TRDN: variants seen among roughly 807,000 people sequenced by gnomAD.
TRDN encodes triadin.
Under a neutral mutation model 149.7 loss-of-function variants are expected in TRDN, and 161 were observed. The ratio of observed to expected loss-of-function variants is 1.08; its 90% CI spans 0.95 to 1.23. The LOEUF (loss-of-function observed/expected upper bound fraction) is 1.23. Ranked by LOEUF, TRDN falls within the 50% of genes most tolerant of loss-of-function variation. TRDN has a pLI of 0.00. For missense variants in TRDN, 896 were observed against 823.5 expected (o/e 1.09, Z -1.08); for synonymous variants, 294 against 250.5 (o/e 1.17, Z -1.64).
At chr6:123,238,545 G>A (rs1458510915) in intron 38 of TRDN, among the ~76,000 whole-genome samples, 1 of 152,148 alleles carries the variant, frequency 6.6e-6, no homozygotes, top group Non-Finnish European at 1.5e-5. Context: ...GAAGCATTGA[G>A]AGAGCATGAG....
At chr6:123,391,127 A>G (rs1782097123) in intron 13 of TRDN, among the ~76,000 whole-genome samples, 1 of 152,038 alleles carries the variant, frequency 6.6e-6, no homozygotes, top group African/African-American at 2.4e-5. Flanking sequence ...AATTTCTTCC[A>G]ACAATTTTTT....
chr6:123,557,070 G>A (rs375914456), intron 2 of TRDN, among the ~76,000 whole-genome samples: 26 of 50,364 alleles, frequency 5.2e-4, no homozygotes, highest in Admixed American at 5.1e-3. Context: ...ACCCCTGCCC[G>A]CCAGAGAATA....
At chr6:123,462,436 G>A (rs1482527991) in intron 10 of TRDN, 1 of 152,164 alleles carries the variant, frequency 6.6e-6, no homozygotes. Context: ...AAGACGTGTA[G>A]TATTGGCTTT....
At chr6:123,553,951 T>C (rs551295089) in intron 2 of TRDN, among the ~76,000 whole-genome samples, 2 of 152,264 alleles carry the variant, frequency 1.3e-5, no homozygotes, top group East Asian at 3.9e-4. Context: ...TGTTAGATAA[T>C]TATCAGTTTA....
At chr6:123,544,385 G>C (rs1781011645) in intron 4 of TRDN, among the ~76,000 whole-genome samples, 1 of 151,676 alleles carries the variant, frequency 6.6e-6, no homozygotes, top group South Asian at 2.1e-4. Context: ...ATTTATATTT[G>C]AAGTGGAAAT....
intron 12 of TRDN, chr6:123,437,363 T>C (rs778925993): frequency 1.6e-5 from 5 of 313,528 alleles, no homozygotes; most frequent in South Asian, 1.5e-4. Context: ...ATTCTTTCTC[T>C]ACTTTATTGA....
chr6:123,438,924 A>G lies in TRDN; in HGVS notation c.991+20T>C. Reference sequence around the variant, plus strand: ...GGACACTAATTGATTTATGTGGTACATGGCTTTTAAATTTCCTACCTTTCT... The same window carrying G: ...GGACACTAATTGATTTATGTGGTACGTGGCTTTTAAATTTCCTACCTTTCT... On this transcript the variant is annotated intron_variant, in intron 11 of 40. Transcript: ENST00000334268. 3.2e-6 allele frequency: 5 copies of G among 1,545,424 alleles called. No individual in the cohort carries two copies. Among genetic ancestry groups the G allele is most frequent in the South Asian group, 1.2e-5 (1 of 82,680 alleles).
intron 23 of TRDN, among the ~76,000 whole-genome samples, chr6:123,317,955 T>A (rs1277575014): frequency 1.1e-4 from 17 of 152,042 alleles, no homozygotes; most frequent in Admixed American, 1.1e-3. Flanking sequence ...ATTTATATTT[T>A]ATTTTAGAAA....
At chr6:123,219,836 G>C (rs1440632935) in intron 40 of TRDN, among the ~76,000 whole-genome samples, 1 of 151,766 alleles carries the variant, frequency 6.6e-6, no homozygotes, top group Non-Finnish European at 1.5e-5. Context: ...GCTACAAGAG[G>C]GACAGTAGTA....
intron 12 of TRDN, among the ~76,000 whole-genome samples, chr6:123,412,469 A>T (rs1773482709): frequency 6.6e-6 from 1 of 152,256 alleles, no homozygotes. Flanking sequence ...CAGACATAAG[A>T]TATTTCTACC....
rs570258405 is a variant in TRDN, at chr6:123,559,853, T to C, written c.232+11070A>G. On this transcript the variant is annotated intron_variant, in intron 2 of 40. Coordinates refer to ENST00000334268, the MANE Select transcript of TRDN (RefSeq NM_006073.4). The stretch of plus-strand genomic sequence containing the variant: ...CTATCCTCAATACCTCCCTCCACAA[T>C]CCATTATTCTGTTCTGGATCTCAAA... Among the ~76,000 whole-genome samples, 138 of 151,742 alleles carry C rather than the reference T, an allele frequency of 9.1e-4. 1 individual carries two copies. The highest frequency in any genetic ancestry group is 1.5e-3 in the South Asian group (7 of 4,798).
intron 12 of TRDN, among the ~76,000 whole-genome samples, chr6:123,412,425 CACCTGTGGCTAG>C (rs1773480560): frequency 6.6e-6 from 1 of 152,192 alleles, no homozygotes; most frequent in African/African-American, 2.4e-5. Context: ...GCTAAAGAGC[CACCTGTGGCTAG>C]TGGCTGCCAC....
chr6:123,571,244 A>G (rs756079664), intron 1 of TRDN, 112 bp from the exon 2 acceptor site: 43 of 1,104,194 alleles, frequency 3.9e-5, no homozygotes, highest in Non-Finnish European at 1.0e-5. Flanking sequence ...TTTCTAGAGC[A>G]GCACAACTCC....
At chr6:123,481,139 T>G (rs563329018) in intron 9 of TRDN, among the ~76,000 whole-genome samples, 1 of 152,192 alleles carries the variant, frequency 6.6e-6, no homozygotes, top group African/African-American at 2.4e-5. Flanking sequence ...CTCACGAAAT[T>G]TAAAAGTAAA....
At chr6:123,339,576 C>T (rs1011081684) in intron 21 of TRDN, among the ~76,000 whole-genome samples, 4 of 152,128 alleles carry the variant, frequency 2.6e-5, no homozygotes, top group Non-Finnish European at 2.9e-5. Flanking sequence ...CTACAGTATT[C>T]CTTATAAATG....
At chr6:123,577,122 T>C (rs944918400) in intron 1 of TRDN, among the ~76,000 whole-genome samples, 66 of 152,198 alleles carry the variant, frequency 4.3e-4, no homozygotes, top group African/African-American at 1.5e-3. Flanking sequence ...CAAAATACTA[T>C]AAACTAGGTA....
chr6:123,478,155 T>C (rs192874532), intron 9 of TRDN, among the ~76,000 whole-genome samples: 153 of 152,286 alleles, frequency 1.0e-3, no homozygotes, highest in African/African-American at 3.2e-3. Flanking sequence ...ATCAACTATT[T>C]GGACAGTCAA....
intron 20 of TRDN, among the ~76,000 whole-genome samples, chr6:123,357,663 A>C (rs1780735863): frequency 6.6e-6 from 1 of 152,190 alleles, no homozygotes; most frequent in Non-Finnish European, 1.5e-5. Context: ...CCACACAGGT[A>C]GGTATTCTTA....
At chr6:123,596,485 A>G (rs972053489) in intron 1 of TRDN, among the ~76,000 whole-genome samples, 6 of 152,228 alleles carry the variant, frequency 3.9e-5, no homozygotes, top group Admixed American at 2.0e-4. Flanking sequence ...CAAACTTTCA[A>G]TGTGGATGAA....
Sources: gnomAD v4.1 joint callset for allele counts (sites outside exome capture counted in the v4.1 genomes callset) on GRCh38, gnomAD v4.1.1 for gene constraint, MANE v1.5 for transcripts, NCBI Gene and HGNC (gene_info 2026-07-23, HGNC 2026-07-21) for gene names.